The following NIPBL variants were observed in gnomAD, a reference collection of about 807,000 sequenced individuals.
NIPBL encodes the protein NIPBL cohesin loading factor.
A neutral mutation model predicts 321.8 loss-of-function variants in NIPBL; 19 were observed. The observed-to-expected ratio is 0.06, with a 90% CI of 0.04 to 0.09. The LOEUF is 0.09. NIPBL is among the 10% of genes least tolerant of loss of function. The probability of loss-of-function intolerance (pLI) is 1.00; values close to 1 mark genes in which losing one functional copy is unlikely to be tolerated. For synonymous variants in NIPBL, 1,106 were observed against 1,114.1 expected, an observed-to-expected ratio of 0.99 and a Z score of 0.14; for missense variants, 2,210 against 3,327.0, an observed-to-expected ratio of 0.66 and a Z score of 8.26.
chr5:37,052,438 G>A lies in NIPBL; in HGVS notation c.7135G>A (p.Val2379Ile), dbSNP rs1210670441. 1 of 1,614,080 alleles carries A rather than the reference G, an allele frequency of 6.2e-7. No individual in the cohort carries two copies. The highest frequency in any genetic ancestry group is 8.5e-7 in the Non-Finnish European group (1 of 1,179,978). The change falls in exon 42 of 47, where the codon GTA becomes ATA. Residue 2379 changes from valine (V) to isoleucine (I), a missense_variant. By Grantham distance (29) the Val-to-Ile change is conservative (BLOSUM62 3). Coordinates refer to ENST00000282516, the MANE Select transcript of NIPBL (RefSeq NM_133433.4). ...QAINTCLKDP[V>I]RGFRQDESSS... ...AATCAACACATGCCTAAAAGATCCT[G>A]TAAGGGGTTTCAGACAAGACGAGTC...
chr5:36,935,043 T>C (rs1750055985), intron 1 of NIPBL, among the ~76,000 whole-genome samples: 1 of 152,170 alleles, frequency 6.6e-6, no homozygotes, highest in South Asian at 2.1e-4. Flanking sequence ...ATTTAATCAT[T>C]TCCTTGCATA....
rs545271521 is a variant in NIPBL, at chr5:37,044,625, A to G, written c.6250-11A>G. The stretch of plus-strand genomic sequence containing the variant: ...TTTAACTTTTATCTAAACATTTTCT[A>G]TATCTTTTAGGTAGTGCAACATTGT... On this transcript the variant is annotated splice_polypyrimidine_tract_variant and intron_variant, in intron 35 of 46. Coordinates refer to ENST00000282516, the MANE Select transcript of NIPBL (RefSeq NM_133433.4). 2.3e-5 allele frequency: 37 copies of G among 1,608,976 alleles called. No individual in the cohort carries two copies. The highest frequency in any genetic ancestry group is 8.9e-5 in the South Asian group (8 of 90,334).
In NIPBL at chr5:37,064,771, C is replaced by T. The variant is rs1306011126; in HGVS notation, c.8294C>T (p.Thr2765Ile). ...DGRKLVPWVD[T>I]IKESDIIYKK... ...CGCAAACTGGTGCCTTGGGTAGACA[C>T]TATTAAAGAGTCAGACATTATTTAC... Residue 2765 changes from threonine (T) to isoleucine (I), a missense_variant, in exon 47 of 47, where the codon ACT (threonine) becomes ATT (isoleucine). Thr to Ile is a moderately conservative substitution (Grantham distance 89). Transcript: ENST00000282516. The T allele has an allele frequency of 6.2e-7, 1 of 1,614,032 alleles. No individual in the cohort carries two copies. Among genetic ancestry groups the T allele is most frequent in the Admixed American group, 1.7e-5 (1 of 59,994 alleles).
intron 1 of NIPBL, among the ~76,000 whole-genome samples, chr5:36,893,669 A>G (rs1465611402): frequency 1.3e-5 from 2 of 152,096 alleles, no homozygotes; most frequent in Non-Finnish European, 2.9e-5. Context: ...TGAATTTTAC[A>G]TGGCTACCTA....
chr5:37,017,381 C>A (rs140334155), intron 24 of NIPBL, among the ~76,000 whole-genome samples: 112 of 152,048 alleles, frequency 7.4e-4, no homozygotes, highest in Non-Finnish European at 1.1e-3. Context: ...CATTTACTTT[C>A]TTTTTGTGAA....
intron 23 of NIPBL, 146 bp downstream of exon 23, chr5:37,016,316 A>G: frequency 2.3e-6 from 2 of 868,242 alleles, no homozygotes; most frequent in South Asian, 1.6e-5. Flanking sequence ...AACTGTACAC[A>G]ATATTGTCAG....
chr5:37,064,945 A>T lies in NIPBL; in HGVS notation c.*53A>T, dbSNP rs1488462739. On this transcript the variant is annotated 3_prime_UTR_variant, in exon 47 of 47. Coordinates refer to ENST00000282516, the MANE Select transcript of NIPBL (RefSeq NM_133433.4). ...AGGAATTTTTTTAAAAGGCAGAAAA[A>T]CTTGAAATACCAACATTCTGGCAAA... The T allele has an allele frequency of 7.5e-6, 12 of 1,607,266 alleles. No homozygotes were observed. The highest frequency in any genetic ancestry group is 9.4e-6 in the Non-Finnish European group (11 of 1,175,154).
chr5:36,937,435 AT>A (rs988883389), intron 1 of NIPBL, among the ~76,000 whole-genome samples: 8 of 152,114 alleles, frequency 5.3e-5, no homozygotes, highest in African/African-American at 1.9e-4. Context: ...AATATTTCAA[AT>A]TTTACTTTTA....
At chr5:36,982,643 T>C (rs964025170) in intron 9 of NIPBL, among the ~76,000 whole-genome samples, 1 of 151,866 alleles carries the variant, frequency 6.6e-6, no homozygotes, top group South Asian at 2.1e-4. Context: ...AAATAAAATA[T>C]ATCATTTCTT....
At chr5:36,958,350 C>A in intron 4 of NIPBL, 119 bp downstream of exon 4, 1 of 913,394 alleles carries the variant, frequency 1.1e-6, no homozygotes, top group Non-Finnish European at 1.8e-6. Flanking sequence ...TCAGTCAAGC[C>A]AAGAACAAGA....
intron 10 of NIPBL, 157 bp from the exon 11 acceptor site, chr5:36,995,465 G>A (rs1392121056): frequency 3.3e-6 from 2 of 598,222 alleles, no homozygotes; most frequent in African/African-American, 1.9e-5. Flanking sequence ...TAACTATATT[G>A]TCACTTTAGG....
intron 1 of NIPBL, among the ~76,000 whole-genome samples, chr5:36,945,210 A>G (rs1177996027): frequency 1.3e-5 from 2 of 152,142 alleles, no homozygotes; most frequent in African/African-American, 2.4e-5. Context: ...ACACAGGACT[A>G]TTTTTTTCCT....
rs147810791 is a variant in NIPBL, at chr5:36,916,252, A to G, written c.-79-37366A>G. Among the ~76,000 whole-genome samples, 21 of 152,340 alleles carry G rather than the reference A, an allele frequency of 1.4e-4. No homozygotes were observed. The East Asian group carries it at 4.0e-3, about 29-fold the overall frequency. ...GTTTGAGTTTGTTTTTCTTATTTAT[A>G]AGAGGCAGAAGATGATACCTATTTT... On this transcript the variant is annotated intron_variant, in intron 1 of 46. Transcript: ENST00000282516.
chr5:37,064,023 A>G, intron 46 of NIPBL, 45 bp downstream of exon 46: 1 of 1,602,668 alleles, frequency 6.2e-7, no homozygotes, highest in Non-Finnish European at 8.5e-7. Context: ...GTATTACGTA[A>G]AATGATTTTT....
rs369493611 is a variant in NIPBL at position 37,058,846 on chromosome 5, G to A, written c.7411-45G>A. The stretch of plus-strand genomic sequence containing the variant: ...GAATGGAGCATACTTATATTTACTA[G>A]TGGCATTTTGTTTTTATTGTTTATC... On this transcript the variant is annotated intron_variant, in intron 43 of 46. Coordinates refer to ENST00000282516, the MANE Select transcript of NIPBL (RefSeq NM_133433.4). 42 of 1,570,198 alleles carry A rather than the reference G, an allele frequency of 2.7e-5. 1 individual carries two copies. The African/African-American group carries it at 5.4e-4, about 20-fold the overall frequency.
chr5:36,985,726 C>G lies in NIPBL; in HGVS notation c.2546C>G (p.Ser849Cys), dbSNP rs746596330. 10 of 1,613,776 alleles carry G rather than the reference C, an allele frequency of 6.2e-6. No individual in the cohort carries two copies. Among genetic ancestry groups the G allele is most frequent in the South Asian group, 1.1e-5 (1 of 91,066 alleles). ...CGAAGACCAGAAACATTGAGATCCTCTAGTAGAAATGAACATGGCATTAAA... is the reference window on the plus strand; with the variant it reads ...CGAAGACCAGAAACATTGAGATCCTGTAGTAGAAATGAACATGGCATTAAA... Reference protein sequence around the residue: ...RVRRPETLRSSSRNEHGIKSD... With the variant: ...RVRRPETLRSCSRNEHGIKSD... Residue 849 changes from serine (S) to cysteine (C), a missense_variant, in exon 10 of 47, where the codon TCT (serine) becomes TGT (cysteine). This residue lies in a region of NIPBL where 588 missense variants were observed against 564.1 expected (regional missense o/e 1.04). Transcript: ENST00000282516.
rs1243979357 is a variant in NIPBL, at chr5:36,994,252, G to C, written c.3122-1370G>C. Reference sequence around the variant, plus strand: ...TAGAATTCTTAGCAATGAAGTCTTTGGGATATTACCAGTCATGAGTATTTC... The same window carrying C: ...TAGAATTCTTAGCAATGAAGTCTTTCGGATATTACCAGTCATGAGTATTTC... On this transcript the variant is annotated intron_variant, in intron 10 of 46. Transcript: ENST00000282516. Among the ~76,000 whole-genome samples, 34 of 152,050 alleles carry C rather than the reference G, an allele frequency of 2.2e-4. 1 individual carries two copies. The highest frequency in any genetic ancestry group is 2.2e-3 in the Admixed American group (34 of 15,262).
intron 30 of NIPBL, 117 bp downstream of exon 30, chr5:37,024,836 G>C: frequency 1.3e-6 from 1 of 775,450 alleles, no homozygotes. Flanking sequence ...ATCGTTTATA[G>C]TTTATAAACT....
chr5:37,015,344 G>A (rs1465597666), intron 22 of NIPBL, among the ~76,000 whole-genome samples: 3 of 152,034 alleles, frequency 2.0e-5, no homozygotes, highest in African/African-American at 7.2e-5. Context: ...GGCTGGTCTC[G>A]AACTCCCAAC....
Sources: allele counts gnomAD v4.1 joint callset (sites outside exome capture counted in the v4.1 genomes callset), GRCh38; gene constraint gnomAD v4.1.1; regional missense constraint gnomAD v4.1.1; transcripts MANE v1.5; gene names NCBI Gene and HGNC (gene_info 2026-07-23, HGNC 2026-07-21).